NFIA: variants seen among roughly 807,000 people sequenced by gnomAD.
The protein encoded by NFIA is nuclear factor 1 A-type.
A neutral mutation model predicts 62.8 loss-of-function variants in NFIA; 8 were observed. The ratio of observed to expected loss-of-function variants is 0.13; its 90% CI spans 0.07 to 0.23. The LOEUF (loss-of-function observed/expected upper bound fraction) is 0.23. NFIA is among the 10% of genes least tolerant of loss of function. NFIA has a pLI of 1.00. For missense variants in NFIA, 410 were observed against 642.1 expected (o/e 0.64, Z 3.91); for synonymous variants, 235 against 238.1 (o/e 0.99, Z 0.12).
intron 2 of NFIA, among the ~76,000 whole-genome samples, chr1:61,092,800 G>T (rs1646343037): frequency 6.6e-6 from 1 of 152,120 alleles, no homozygotes; most frequent in Non-Finnish European, 1.5e-5. Flanking sequence ...AGACCAGATG[G>T]TCATGTTGAC....
intron 9 of NFIA, among the ~76,000 whole-genome samples, chr1:61,418,911 G>A (rs1472226964): frequency 1.3e-5 from 2 of 152,010 alleles, no homozygotes; most frequent in East Asian, 3.9e-4. Context: ...CTGAATCCAG[G>A]GTTTATTCCC....
chr1:61,363,327 G>A (rs758396227), intron 6 of NFIA, among the ~76,000 whole-genome samples: 15 of 152,170 alleles, frequency 9.9e-5, no homozygotes, highest in African/African-American at 1.7e-4. Context: ...TTATAAAGCC[G>A]GGTGTGATGG....
chr1:61,379,162 A>AC, intron 6 of NFIA, among the ~76,000 whole-genome samples: 1 of 152,136 alleles, frequency 6.6e-6, no homozygotes, highest in Non-Finnish European at 1.5e-5. Flanking sequence ...TCACACATGC[A>AC]AGAGGAGAGG....
intron 2 of NFIA, among the ~76,000 whole-genome samples, chr1:61,089,012 CAA>C (rs1312016462): frequency 5.3e-5 from 8 of 152,284 alleles, no homozygotes; most frequent in Admixed American, 2.6e-4. Context: ...TTTTAACTGA[CAA>C]ATGATCTAGT....
At chr1:61,223,072 T>C (rs1398788284) in intron 2 of NFIA, among the ~76,000 whole-genome samples, 1 of 152,114 alleles carries the variant, frequency 6.6e-6, no homozygotes, top group Non-Finnish European at 1.5e-5. Flanking sequence ...CCATATGCTT[T>C]AAATCTGTGT....
upstream of NFIA, among the ~76,000 whole-genome samples, chr1:61,078,191 T>C (rs765748951): frequency 6.6e-6 from 1 of 151,718 alleles, no homozygotes; most frequent in Non-Finnish European, 1.5e-5. Flanking sequence ...GGGGATGGTG[T>C]GGTTCAAGCT....
At chr1:61,276,288 A>G (rs1161788338) in intron 2 of NFIA, among the ~76,000 whole-genome samples, 1 of 152,226 alleles carries the variant, frequency 6.6e-6, no homozygotes, top group Non-Finnish European at 1.5e-5. Flanking sequence ...TTCTAGACCT[A>G]AGGTCACTAG....
intron 3 of NFIA, among the ~76,000 whole-genome samples, chr1:61,304,344 GTTTA>G (rs1167729297): frequency 2.0e-5 from 3 of 152,176 alleles, no homozygotes; most frequent in Non-Finnish European, 2.9e-5. Flanking sequence ...TCCATTCTGA[GTTTA>G]TTTGAGGTTG....
chr1:61,377,054 T>TA lies in NFIA; in HGVS notation c.947-6172dup, dbSNP rs532866085. Among the ~76,000 whole-genome samples the TA allele has an allele frequency of 4.5e-3, 656 of 145,200 alleles. 11 individuals carry two copies. Among genetic ancestry groups the TA allele is most frequent in the East Asian group, 0.042 (210 of 5,014 alleles). On this transcript the variant is annotated intron_variant, in intron 6 of 10. Transcript: ENST00000403491. ...CAACATGGTGAAACCCTGTATCTAC[T>TA]AAAAAAAAAAATACAAAAATTAGCC...
chr1:61,426,421 A>G (rs1156496553), intron 9 of NFIA, 44 bp from the exon 10 acceptor site: 3 of 1,341,398 alleles, frequency 2.2e-6, no homozygotes, highest in Non-Finnish European at 2.1e-6. Flanking sequence ...TGTGTGTGCA[A>G]TCTCGTGCCG....
chr1:61,210,134 A>G (rs1335458783), intron 2 of NFIA, among the ~76,000 whole-genome samples: 1 of 152,206 alleles, frequency 6.6e-6, no homozygotes, highest in African/African-American at 2.4e-5. Context: ...CTGGGATGAC[A>G]GAATCACGGG....
At chr1:61,180,270 C>T (rs1033294284) in intron 2 of NFIA, among the ~76,000 whole-genome samples, 6 of 152,126 alleles carry the variant, frequency 3.9e-5, no homozygotes, top group African/African-American at 1.4e-4. Flanking sequence ...GATTTTGTGG[C>T]CTAAAGAGGC....
chr1:61,274,275 C>T (rs1657682515), intron 2 of NFIA, among the ~76,000 whole-genome samples: 1 of 152,134 alleles, frequency 6.6e-6, no homozygotes, highest in Admixed American at 6.5e-5. Flanking sequence ...GTTTAAATTT[C>T]TGCTCATAAA....
At chr1:61,117,435 G>A (rs1646810468) in intron 2 of NFIA, among the ~76,000 whole-genome samples, 1 of 151,676 alleles carries the variant, frequency 6.6e-6, no homozygotes, top group African/African-American at 2.4e-5. Context: ...GAAAGTTTAA[G>A]GTCTTATGTT....
chr1:61,332,693 T>G lies in NFIA; in HGVS notation c.700+107T>G. 3.7e-6 allele frequency: 3 copies of G among 819,966 alleles called. No individual in the cohort carries two copies. In the South Asian group the frequency reaches 5.0e-5, roughly 14 times the overall value. 50.8% of individuals were successfully genotyped at this position (819,966 alleles called of 1,614,324 possible). On this transcript the variant is annotated intron_variant, in intron 4 of 10. Transcript: ENST00000403491. ...AAAAGCTTTCAGAATCTCCTTTTCA[T>G]TCACCCATTGGAAGAATTTTGACAC...
intron 2 of NFIA, among the ~76,000 whole-genome samples, chr1:61,177,096 A>G (rs1156404201): frequency 6.6e-6 from 1 of 150,738 alleles, no homozygotes; most frequent in African/African-American, 2.4e-5. Context: ...ACAGAGCGAG[A>G]CTCTGTCTCA....
chr1:61,276,942 T>G (rs9988512), intron 2 of NFIA, among the ~76,000 whole-genome samples: 1,976 of 152,268 alleles, frequency 0.013, 41 homozygotes, highest in African/African-American at 0.045. Flanking sequence ...GGGAAACTTG[T>G]ACCTTCAGAA....
intron 2 of NFIA, among the ~76,000 whole-genome samples, chr1:61,152,950 A>G (rs1259744723): frequency 2.0e-5 from 3 of 152,206 alleles, no homozygotes; most frequent in Non-Finnish European, 4.4e-5. Context: ...CCTTGGCAAT[A>G]TAAGCACTGG....
chr1:61,366,531 A>T (rs1373250609), intron 6 of NFIA, among the ~76,000 whole-genome samples: 1 of 152,224 alleles, frequency 6.6e-6, no homozygotes. Flanking sequence ...TTGAAGTCAA[A>T]TTTGATAAGG....
Sources: gnomAD v4.1 joint callset for allele counts (sites outside exome capture counted in the v4.1 genomes callset) on GRCh38, gnomAD v4.1.1 for gene constraint, MANE v1.5 for transcripts, NCBI Gene and HGNC (gene_info 2026-07-23, HGNC 2026-07-21) for gene names.